IL23R: variants seen among roughly 807,000 people sequenced by gnomAD.
The protein encoded by IL23R is interleukin 23 receptor.
A neutral mutation model predicts 56.9 loss-of-function variants in IL23R; 34 were observed. The ratio of observed to expected loss-of-function variants is 0.60; its 90% confidence interval spans 0.45 to 0.80. The LOEUF (loss-of-function observed/expected upper bound fraction) is 0.80. Ranked by LOEUF, IL23R falls within the 30% of genes least tolerant of loss-of-function variation. The pLI, the probability that IL23R is intolerant of heterozygous loss-of-function variation, is 0.00. For synonymous variants in IL23R, 230 were observed against 249.2 expected (o/e 0.92, Z 0.73); for missense variants, 635 against 730.0 (o/e 0.87, Z 1.50).
chr1:67,236,585 C>A (rs1284546297), intron 7 of IL23R, 128 bp from the exon 8 acceptor site: 1 of 689,852 alleles, frequency 1.4e-6, no homozygotes, highest in Non-Finnish European at 2.7e-6. Context: ...TTTTATTCCA[C>A]CCTTCAAGCC....
chr1:67,248,106 T>C (rs1652361568), intron 9 of IL23R, among the ~76,000 whole-genome samples: 1 of 152,184 alleles, frequency 6.6e-6, no homozygotes, highest in Admixed American at 6.6e-5. Flanking sequence ...GTTCCTGTTC[T>C]CCAGGAATAT....
chr1:67,254,994 A>G (rs1371343332), intron 9 of IL23R, among the ~76,000 whole-genome samples: 1 of 152,208 alleles, frequency 6.6e-6, no homozygotes, highest in Non-Finnish European at 1.5e-5. Flanking sequence ...CATGTTCCCC[A>G]GCCTCCTTCT....
At chr1:67,193,151 T>C (rs1242176429) in intron 4 of IL23R, among the ~76,000 whole-genome samples, 2 of 152,216 alleles carry the variant, frequency 1.3e-5, no homozygotes, top group Non-Finnish European at 2.9e-5. Flanking sequence ...ATGCTCTTCC[T>C]CCAGAGAGCC....
Position 67,258,525 on chromosome 1 carries a change from T to C in IL23R, c.1287T>C (p.Tyr429=). The C allele has an allele frequency of 6.2e-7, 1 of 1,607,244 alleles. No homozygotes were observed. ...MNNNSSEQVL[Y]VDPMITEIKE... is the part of the protein sequence containing the mutation. The stretch of plus-strand genomic sequence containing the variant: ...ATAATTCCAGTGAGCAGGTCCTATA[T>C]GTTGATCCCATGATTACAGAGATAA... Residue 429 remains tyrosine (Y), a synonymous_variant, in exon 11 of 11, where the codon TAT becomes TAC. Transcript: ENST00000347310.
intron 4 of IL23R, among the ~76,000 whole-genome samples, chr1:67,197,641 C>T (rs1648262244): frequency 6.6e-6 from 1 of 152,172 alleles, no homozygotes; most frequent in African/African-American, 2.4e-5. Flanking sequence ...TCCATTCTTG[C>T]CTTGCTATAA....
rs1290015647 is a variant in IL23R, at chr1:67,258,613, G to C, written c.1375G>C (p.Glu459Gln). Residue 459 changes from glutamate (E) to glutamine (Q), a missense_variant, in exon 11 of 11, where the codon GAG (glutamate) becomes CAG (glutamine). Glu to Gln is a conservative substitution (Grantham distance 29). Coordinates refer to ENST00000347310, the MANE Select transcript of IL23R (RefSeq NM_144701.3). ...DYKKENTGPLETRDYPQNSLF... is the reference protein window; with the variant it reads ...DYKKENTGPLQTRDYPQNSLF... The stretch of plus-strand genomic sequence containing the variant: ...CAAGAAGGAGAATACAGGACCCCTG[G>C]AGACAAGAGACTACCCGCAAAACTC... The C allele has an allele frequency of 1.2e-6, 2 of 1,613,770 alleles. No individual in the cohort carries two copies. Among genetic ancestry groups the C allele is most frequent in the South Asian group, 1.1e-5 (1 of 90,998 alleles).
At chr1:67,199,692 A>C (rs1475799881) in intron 4 of IL23R, among the ~76,000 whole-genome samples, 1 of 152,058 alleles carries the variant, frequency 6.6e-6, no homozygotes, top group South Asian at 2.1e-4. Flanking sequence ...TTATATATTT[A>C]TATAATATAT....
intron 7 of IL23R, among the ~76,000 whole-genome samples, chr1:67,227,874 T>C (rs1289719946): frequency 6.6e-6 from 1 of 152,206 alleles, no homozygotes; most frequent in African/African-American, 2.4e-5. Context: ...TTCTGCAGAA[T>C]AGGAAACAAT....
chr1:67,145,371 T>A (rs1268871602), intron 1 of IL23R, among the ~76,000 whole-genome samples: 3 of 152,106 alleles, frequency 2.0e-5, no homozygotes, highest in Non-Finnish European at 4.4e-5. Flanking sequence ...AAATATTGAA[T>A]GTCTACCATA....
chr1:67,167,100 C>T (rs1322492772), intron 1 of IL23R, among the ~76,000 whole-genome samples: 1 of 152,050 alleles, frequency 6.6e-6, no homozygotes, highest in Non-Finnish European at 1.5e-5. Context: ...AAGGCTTTTT[C>T]CTCTTTTTTA....
At chr1:67,173,658 A>T (rs1243380132) in intron 3 of IL23R, among the ~76,000 whole-genome samples, 1 of 152,180 alleles carries the variant, frequency 6.6e-6, no homozygotes, top group Non-Finnish European at 1.5e-5. Flanking sequence ...TACTGTTTGA[A>T]TATAGGTTTT....
At chr1:67,224,206 T>G (rs992205956) in intron 7 of IL23R, among the ~76,000 whole-genome samples, 1 of 152,202 alleles carries the variant, frequency 6.6e-6, no homozygotes, top group African/African-American at 2.4e-5. Context: ...TACATAAAGA[T>G]GTAAATAAAA....
chr1:67,186,258 TA>T (rs1647321693), intron 4 of IL23R, among the ~76,000 whole-genome samples: 1 of 152,256 alleles, frequency 6.6e-6, no homozygotes, highest in African/African-American at 2.4e-5. Flanking sequence ...GGATCTTCAC[TA>T]TCTCCCAGAA....
intron 6 of IL23R, among the ~76,000 whole-genome samples, chr1:67,207,880 T>C (rs1649192332): frequency 6.6e-6 from 1 of 152,158 alleles, no homozygotes; most frequent in African/African-American, 2.4e-5. Flanking sequence ...TTTGAAGGGC[T>C]CAGAAGAAGA....
chr1:67,240,311 AT>A, intron 9 of IL23R, 30 bp downstream of exon 9: 1 of 1,427,714 alleles, frequency 7.0e-7, no homozygotes, highest in Non-Finnish European at 9.9e-7. Flanking sequence ...CTGTTTTCTG[AT>A]TTAGACTACA....
chr1:67,182,155 A>C lies in IL23R; in HGVS notation c.368-681A>C, dbSNP rs534315984. Among the ~76,000 whole-genome samples, 3 of 152,220 alleles carry C rather than the reference A, an allele frequency of 2.0e-5. 1 individual carries two copies. In the East Asian group the frequency reaches 5.8e-4, roughly 29 times the overall value. ...GCTGGGAGAACCACTACTCTCTTCAAAGCTGTCAGACGGGGACATTTAAGT... is the reference window on the plus strand; with the variant it reads ...GCTGGGAGAACCACTACTCTCTTCACAGCTGTCAGACGGGGACATTTAAGT... On this transcript the variant is annotated intron_variant, in intron 3 of 10. Transcript: ENST00000347310.
intron 10 of IL23R, among the ~76,000 whole-genome samples, chr1:67,257,422 C>T (rs909462672): frequency 6.6e-5 from 10 of 152,066 alleles, no homozygotes; most frequent in South Asian, 6.2e-4. Flanking sequence ...ATGAAGGCTC[C>T]GCCCTCATGA....
intron 6 of IL23R, among the ~76,000 whole-genome samples, chr1:67,217,753 T>C (rs1187685121): frequency 2.0e-5 from 3 of 150,424 alleles, no homozygotes; most frequent in South Asian, 2.2e-4. Flanking sequence ...CATGTCTCAA[T>C]AGACAAAACT....
At chr1:67,236,457 A>G (rs1363015509) in intron 7 of IL23R, among the ~76,000 whole-genome samples, 2 of 152,228 alleles carry the variant, frequency 1.3e-5, no homozygotes, top group Non-Finnish European at 2.9e-5. Flanking sequence ...ATTAGTGGAC[A>G]CACCTTGAAG....
Sources: allele counts gnomAD v4.1 joint callset (sites outside exome capture counted in the v4.1 genomes callset), GRCh38; gene constraint gnomAD v4.1.1; transcripts MANE v1.5; gene names NCBI Gene and HGNC (gene_info 2026-07-23, HGNC 2026-07-21).